APBA1: variants seen among roughly 807,000 people sequenced by gnomAD.
The protein encoded by APBA1 is amyloid beta precursor protein binding family A member 1.
A neutral mutation model predicts 86.6 loss-of-function variants in APBA1; 55 were observed. The observed-to-expected ratio is 0.64, with a 90% CI of 0.51 to 0.80. The LOEUF (loss-of-function observed/expected upper bound fraction) is 0.80, where lower values mean the gene tolerates loss of function less well. APBA1 is among the 30% of genes least tolerant of loss of function. The pLI is 0.00. For synonymous variants in APBA1, 511 were observed against 493.9 expected (o/e 1.03, Z -0.46); for missense variants, 1,090 against 1,183.0 (o/e 0.92, Z 1.15).
chr9:69,533,797 A>T (rs78539924), intron 1 of APBA1, among the ~76,000 whole-genome samples: 12,720 of 152,282 alleles, frequency 0.084, 653 homozygotes, highest in Non-Finnish European at 0.12. Context: ...ATAGAACTGA[A>T]AGCGTTGGCA....
intron 1 of APBA1, among the ~76,000 whole-genome samples, chr9:69,564,827 A>G (rs1340107474): frequency 1.3e-5 from 2 of 152,226 alleles, no homozygotes; most frequent in Non-Finnish European, 1.5e-5. Context: ...GCATGTACCC[A>G]AAAGAGTTGA....
At chr9:69,458,760 A>G (rs1015761528) in intron 5 of APBA1, among the ~76,000 whole-genome samples, 3 of 150,454 alleles carry the variant, frequency 2.0e-5, no homozygotes, top group African/African-American at 4.9e-5. Flanking sequence ...TTGGAATTGT[A>G]TTATTAATTT....
intron 1 of APBA1, among the ~76,000 whole-genome samples, chr9:69,551,281 C>T (rs866326567): frequency 1.4e-4 from 22 of 152,126 alleles, no homozygotes; most frequent in South Asian, 8.3e-4. Flanking sequence ...TGGCTGGGCG[C>T]GGTGGCTCAT....
Position 69,431,221 on chromosome 9 carries a change from T to G in APBA1, c.*106A>C, listed in dbSNP as rs541591216. 2.5e-6 allele frequency: 2 copies of G among 793,270 alleles called. No homozygotes were observed. The highest frequency in any genetic ancestry group is 1.8e-5 in the African/African-American group (1 of 54,816). 49.1% of individuals were successfully genotyped at this position (793,270 alleles called of 1,614,324 possible). On this transcript the variant is annotated 3_prime_UTR_variant, in exon 13 of 13. Transcript: ENST00000265381. ...TCTTCTCTTCCTGTGTAAAACCAAA[T>G]GCTGGGCGCGAGAGGGGAAAGTCTC... is the stretch of plus-strand genomic sequence containing the variant.
chr9:69,516,137 C>T lies in APBA1; in HGVS notation c.1074G>A (p.Glu358=). 1.9e-6 allele frequency: 3 copies of T among 1,613,490 alleles called. No individual in the cohort carries two copies. The highest frequency in any genetic ancestry group is 2.2e-5 in the South Asian group (2 of 91,044). The change falls in exon 2 of 13, where the codon GAG becomes GAA. Residue 358 remains glutamate (E), a synonymous_variant. Transcript: ENST00000265381. The surrounding 1 kb of genome is among the most constrained non-coding windows in gnomAD (Gnocchi z 7.3). ...LAIKDIKEAI[E]EVKTRTIRSP... ...AACGGATGGTCCTGGTTTTCACCTC[C>T]TCGATGGCCTCCTTGATGTCCTTGA...
At chr9:69,624,661 A>G (rs1822893096) in intron 1 of APBA1, among the ~76,000 whole-genome samples, 1 of 152,184 alleles carries the variant, frequency 6.6e-6, no homozygotes, top group African/African-American at 2.4e-5. Context: ...AATCCATTGA[A>G]GTCAAGTTTC....
At chr9:69,564,095 C>A (rs899030077) in intron 1 of APBA1, among the ~76,000 whole-genome samples, 1 of 152,136 alleles carries the variant, frequency 6.6e-6, no homozygotes, top group Non-Finnish European at 1.5e-5. Context: ...CCAAAGCATT[C>A]TCTCCTGACT....
intron 1 of APBA1, among the ~76,000 whole-genome samples, chr9:69,536,661 G>A (rs1372530604): frequency 1.5e-5 from 2 of 137,692 alleles, no homozygotes; most frequent in African/African-American, 5.3e-5. Context: ...GAGGTCAGGA[G>A]TTTGAGAGCA....
intron 2 of APBA1, 118 bp from the exon 3 acceptor site, chr9:69,476,261 T>C (rs981960539): frequency 3.0e-6 from 2 of 671,274 alleles, no homozygotes; most frequent in African/African-American, 3.6e-5. Flanking sequence ...GACACTGCAG[T>C]GGGGAGAAAA....
intron 4 of APBA1, 120 bp downstream of exon 4, chr9:69,471,536 A>G: frequency 1.2e-6 from 1 of 816,120 alleles, no homozygotes; most frequent in South Asian, 1.5e-5. Flanking sequence ...TAACATTGTG[A>G]ATAAGTGACT....
chr9:69,444,385 C>T (rs1277276520), intron 10 of APBA1, among the ~76,000 whole-genome samples: 4 of 152,222 alleles, frequency 2.6e-5, no homozygotes, highest in African/African-American at 9.6e-5. Flanking sequence ...GCCTTCTGCT[C>T]CTATCAATAG....
chr9:69,511,887 C>T (rs1836050422), intron 2 of APBA1, among the ~76,000 whole-genome samples: 1 of 147,328 alleles, frequency 6.8e-6, no homozygotes, highest in Non-Finnish European at 1.5e-5. Flanking sequence ...ATCACATGGA[C>T]ACAGGAAGGG....
intron 1 of APBA1, among the ~76,000 whole-genome samples, chr9:69,548,093 A>G (rs914864045): frequency 6.6e-6 from 1 of 152,218 alleles, no homozygotes; most frequent in Non-Finnish European, 1.5e-5. Flanking sequence ...GAGAGATGGG[A>G]CCAAAGAAAG....
intron 10 of APBA1, among the ~76,000 whole-genome samples, chr9:69,446,259 C>G (rs1834905707): frequency 6.6e-6 from 1 of 152,130 alleles, no homozygotes; most frequent in Non-Finnish European, 1.5e-5. Context: ...CACCTCCCAC[C>G]AGCCAGGGTG....
chr9:69,640,438 T>C (rs1217860916), intron 1 of APBA1, among the ~76,000 whole-genome samples: 3 of 152,064 alleles, frequency 2.0e-5, no homozygotes, highest in Non-Finnish European at 4.4e-5. Context: ...GCTTGGTTAA[T>C]AATACGTTCA....
chr9:69,541,904 T>A (rs1836619697), intron 1 of APBA1, among the ~76,000 whole-genome samples: 1 of 152,158 alleles, frequency 6.6e-6, no homozygotes, highest in South Asian at 2.1e-4. Context: ...TTTTTAATTT[T>A]CTTTTTAGTT....
intron 1 of APBA1, among the ~76,000 whole-genome samples, chr9:69,539,322 T>C (rs898117292): frequency 6.6e-6 from 1 of 152,250 alleles, no homozygotes; most frequent in Non-Finnish European, 1.5e-5. Context: ...AGACTTCTGA[T>C]TTCTCATTCT....
chr9:69,538,910 T>C (rs1051853726), intron 1 of APBA1, among the ~76,000 whole-genome samples: 3 of 152,220 alleles, frequency 2.0e-5, no homozygotes, highest in South Asian at 2.1e-4. Flanking sequence ...TTTGTCTGGG[T>C]CACCAGTGAG....
intron 2 of APBA1, among the ~76,000 whole-genome samples, chr9:69,501,629 AACACACACACACACACACACAC>A (rs57033911): frequency 9.8e-5 from 14 of 142,186 alleles, no homozygotes; most frequent in Admixed American, 2.8e-4. Context: ...GTCTCTACAA[AACACACACACACACACACACAC>A]ACACACACAC....
Sources: allele counts gnomAD v4.1 joint callset (sites outside exome capture counted in the v4.1 genomes callset), GRCh38; gene constraint gnomAD v4.1.1; non-coding constraint Gnocchi (gnomAD v3.1); transcripts MANE v1.5; gene names NCBI Gene and HGNC (gene_info 2026-07-23, HGNC 2026-07-21).